The following CHCHD3 variants were observed in gnomAD, a reference collection of about 807,000 sequenced individuals.
CHCHD3 encodes the protein coiled-coil-helix-coiled-coil-helix domain containing 3, also known as MICOS complex subunit MIC19.
CHCHD3 carries 20 observed loss-of-function variants against 38.2 expected under a neutral mutation model. That is an observed-to-expected ratio of 0.52 (90% CI 0.37 to 0.76). The LOEUF is 0.76. Ranked by LOEUF, CHCHD3 falls within the 30% of genes least tolerant of loss-of-function variation. The probability of loss-of-function intolerance (pLI) is 0.00; values close to 1 mark genes in which losing one functional copy is unlikely to be tolerated. For synonymous variants in CHCHD3, 82 were observed against 100.0 expected (o/e 0.82, Z 1.07); for missense variants, 245 against 279.2 (o/e 0.88, Z 0.87).
At position 133,057,833 on chromosome 7, in the gene CHCHD3, T is replaced by C. The variant is rs1044128475; in HGVS notation, c.169+12309A>G. 3.3e-5 allele frequency among the ~76,000 whole-genome samples: 5 copies of C among 152,144 alleles called. No homozygotes were observed. In the East Asian group the frequency reaches 9.6e-4, roughly 29 times the overall value. On this transcript the variant is annotated intron_variant, in intron 2 of 7. Transcript: ENST00000262570. ...CTTTTTCATTATACACATACATATA[T>C]TTAATTTTCTTTAAAGATTTATTAA...
Position 133,035,920 on chromosome 7 carries a change from T to G in CHCHD3, c.170-11293A>C. On this transcript the variant is annotated intron_variant, in intron 2 of 7. Coordinates refer to ENST00000262570, the MANE Select transcript of CHCHD3 (RefSeq NM_017812.4). The surrounding 1 kb of genome is among the most constrained non-coding windows in gnomAD (Gnocchi z 4.7). The stretch of plus-strand genomic sequence containing the variant: ...TACGTGTACAGGGTCCCAGCCGCCA[T>G]GGTGATTCCGCAAAGAAAGGCTGGA... 6.3e-7 allele frequency: 1 copy of G among 1,584,418 alleles called. No individual in the cohort carries two copies. Among genetic ancestry groups the G allele is most frequent in the Non-Finnish European group, 8.6e-7 (1 of 1,156,392 alleles).
At chr7:132,887,898 C>CT (rs1334036713) in intron 4 of CHCHD3, among the ~76,000 whole-genome samples, 1 of 151,746 alleles carries the variant, frequency 6.6e-6, no homozygotes, top group East Asian at 1.9e-4. Flanking sequence ...ATTAACAAGT[C>CT]TTTAAAATAT....
At chr7:133,009,074 C>T (rs1053518832) in intron 3 of CHCHD3, among the ~76,000 whole-genome samples, 4 of 151,566 alleles carry the variant, frequency 2.6e-5, no homozygotes, top group African/African-American at 7.3e-5. Flanking sequence ...CAACTCAAAA[C>T]GCACAAGGGC....
intron 4 of CHCHD3, among the ~76,000 whole-genome samples, chr7:132,892,250 A>G (rs917529975): frequency 6.6e-6 from 1 of 152,214 alleles, no homozygotes; most frequent in African/African-American, 2.4e-5. Flanking sequence ...GATATGGACA[A>G]TGAAGTCCAG....
intron 5 of CHCHD3, among the ~76,000 whole-genome samples, chr7:132,850,765 G>A (rs763347138): frequency 3.3e-5 from 5 of 152,026 alleles, no homozygotes; most frequent in East Asian, 1.9e-4. Context: ...TGAAGGAGAC[G>A]GACATAAATT....
At chr7:132,972,853 T>G (rs1303826262) in intron 4 of CHCHD3, 2 of 985,262 alleles carry the variant, frequency 2.0e-6, no homozygotes, top group Non-Finnish European at 2.4e-6. Context: ...AAATAAGAGA[T>G]CTACAAATCA....
At chr7:132,970,745 A>C (rs1811592509) in intron 4 of CHCHD3, among the ~76,000 whole-genome samples, 1 of 152,068 alleles carries the variant, frequency 6.6e-6, no homozygotes, top group Non-Finnish European at 1.5e-5. Flanking sequence ...GTAAATTGAG[A>C]CTTCTTTTTA....
intron 6 of CHCHD3, chr7:132,815,599 C>T (rs900166002): frequency 6.6e-6 from 3 of 456,088 alleles, no homozygotes; most frequent in African/African-American, 6.0e-5. Flanking sequence ...AATAAAGAGT[C>T]CTGTTTTGTG....
chr7:132,843,534 T>A (rs1807995309), intron 5 of CHCHD3, among the ~76,000 whole-genome samples: 1 of 152,214 alleles, frequency 6.6e-6, no homozygotes, highest in Non-Finnish European at 1.5e-5. Context: ...TCCAAATTAG[T>A]GATTCTGCCA....
chr7:132,812,295 G>A (rs1563242752), intron 6 of CHCHD3, among the ~76,000 whole-genome samples: 1 of 129,566 alleles, frequency 7.7e-6, no homozygotes. Flanking sequence ...TGCAACCTCT[G>A]CCTCCTGAGT....
At chr7:133,020,468 A>T (rs1016907092) in intron 3 of CHCHD3, among the ~76,000 whole-genome samples, 1 of 152,186 alleles carries the variant, frequency 6.6e-6, no homozygotes, top group Non-Finnish European at 1.5e-5. Context: ...ACAGATGCCT[A>T]AAAAGGGCTT....
At chr7:133,023,701 ACTC>A (rs1311978429) in intron 3 of CHCHD3, among the ~76,000 whole-genome samples, 1 of 152,112 alleles carries the variant, frequency 6.6e-6, no homozygotes, top group Non-Finnish European at 1.5e-5. Flanking sequence ...ATAAGTACCT[ACTC>A]TAAAACTTCA....
chr7:133,076,863 G>T (rs1584690966), intron 1 of CHCHD3, among the ~76,000 whole-genome samples: 1 of 152,174 alleles, frequency 6.6e-6, no homozygotes, highest in African/African-American at 2.4e-5. Context: ...GCCTCCATTA[G>T]TTTATCTTAT....
intron 4 of CHCHD3, among the ~76,000 whole-genome samples, chr7:132,955,586 G>C (rs1811144816): frequency 6.7e-6 from 1 of 149,848 alleles, no homozygotes; most frequent in Non-Finnish European, 1.5e-5. Context: ...TTCAGACTTT[G>C]AATAAAACAT....
chr7:133,007,383 AG>A (rs1367507310), intron 3 of CHCHD3, among the ~76,000 whole-genome samples: 1 of 152,198 alleles, frequency 6.6e-6, no homozygotes, highest in Non-Finnish European at 1.5e-5. Context: ...CCATGGGATT[AG>A]TTAAACTGAC....
At chr7:133,047,012 T>G (rs980435051) in intron 2 of CHCHD3, among the ~76,000 whole-genome samples, 1 of 152,240 alleles carries the variant, frequency 6.6e-6, no homozygotes, top group African/African-American at 2.4e-5. Flanking sequence ...CATTGTTACC[T>G]GTGGTCTAGA....
At chr7:133,077,118 T>C (rs1190378759) in intron 1 of CHCHD3, among the ~76,000 whole-genome samples, 1 of 152,190 alleles carries the variant, frequency 6.6e-6, no homozygotes, top group African/African-American at 2.4e-5. Flanking sequence ...ATATGAAATA[T>C]GTAATGCTTA....
intron 1 of CHCHD3, among the ~76,000 whole-genome samples, chr7:133,078,091 TG>T (rs1324746226): frequency 2.6e-5 from 4 of 152,266 alleles, no homozygotes; most frequent in Middle Eastern, 3.4e-3. Flanking sequence ...GTAGATCACT[TG>T]AGGTCAGGAG....
At chr7:132,991,544 T>C (rs1812284761) in intron 3 of CHCHD3, among the ~76,000 whole-genome samples, 1 of 152,162 alleles carries the variant, frequency 6.6e-6, no homozygotes, top group Non-Finnish European at 1.5e-5. Context: ...CCTGGTTGTA[T>C]CAAGTTACCA....
Sources: allele counts gnomAD v4.1 joint callset (sites outside exome capture counted in the v4.1 genomes callset), GRCh38; gene constraint gnomAD v4.1.1; non-coding constraint Gnocchi (gnomAD v3.1); transcripts MANE v1.5; gene names NCBI Gene and HGNC (gene_info 2026-07-23, HGNC 2026-07-21).